Variants in PRKG1 observed in about 807,000 individuals in gnomAD.
PRKG1 encodes protein kinase cGMP-dependent 1.
In PRKG1, 35 loss-of-function variants were observed where a neutral mutation model predicts 88.1. That is an observed-to-expected ratio of 0.40 (90% CI 0.30 to 0.53). The LOEUF is 0.53. PRKG1 is among the 20% of genes least tolerant of loss of function. The probability of loss-of-function intolerance (pLI) is 0.59; values close to 1 mark genes in which losing one functional copy is unlikely to be tolerated. For missense variants in PRKG1, 540 were observed against 839.8 expected (o/e 0.64, Z 4.41); for synonymous variants, 303 against 292.5 (o/e 1.04, Z -0.37).
chr10:52,084,376 G>A (rs1846858770), intron 7 of PRKG1, among the ~76,000 whole-genome samples: 1 of 151,844 alleles, frequency 6.6e-6, no homozygotes, highest in Non-Finnish European at 1.5e-5. Flanking sequence ...ATTCTACTAA[G>A]ACTCAAATTT....
chr10:51,383,547 C>T (rs185389019), intron 2 of PRKG1, among the ~76,000 whole-genome samples: 97 of 152,238 alleles, frequency 6.4e-4, no homozygotes, highest in African/African-American at 2.3e-3. Flanking sequence ...GTACCTTGCC[C>T]AAGTACATGT....
intron 3 of PRKG1, among the ~76,000 whole-genome samples, chr10:51,510,496 T>A (rs1841362531): frequency 6.6e-6 from 1 of 152,170 alleles, no homozygotes; most frequent in Admixed American, 6.5e-5. Flanking sequence ...AAAAGTATTA[T>A]AGGTTCTTAA....
At chr10:52,089,346 C>G (rs1256151453) in intron 7 of PRKG1, among the ~76,000 whole-genome samples, 1 of 152,174 alleles carries the variant, frequency 6.6e-6, no homozygotes, top group Non-Finnish European at 1.5e-5. Flanking sequence ...CTAATCCTGT[C>G]TTCTTGAATT....
At chr10:51,708,432 A>T (rs1196808349) in intron 3 of PRKG1, among the ~76,000 whole-genome samples, 1 of 152,180 alleles carries the variant, frequency 6.6e-6, no homozygotes, top group Non-Finnish European at 1.5e-5. Context: ...GTAATGCAGT[A>T]ACCTCTAGGA....
intron 7 of PRKG1, among the ~76,000 whole-genome samples, chr10:52,093,497 G>A (rs1224297373): frequency 6.7e-6 from 1 of 148,740 alleles, no homozygotes; most frequent in Non-Finnish European, 1.5e-5. Context: ...CACCATGAAA[G>A]CAAGCCTCAA....
intron 5 of PRKG1, among the ~76,000 whole-genome samples, chr10:51,996,307 T>C (rs146000344): frequency 7.2e-4 from 60 of 83,364 alleles, no homozygotes; most frequent in Middle Eastern, 0.013. Context: ...AGAGTGAGAC[T>C]CCATCTCAAA....
At chr10:52,009,560 G>C (rs1844829194) in intron 5 of PRKG1, among the ~76,000 whole-genome samples, 1 of 152,140 alleles carries the variant, frequency 6.6e-6, no homozygotes, top group Non-Finnish European at 1.5e-5. Context: ...CATGCCTAGG[G>C]ATAGGAAGAA....
At chr10:51,159,044 C>T (rs75582950) in intron 2 of PRKG1, among the ~76,000 whole-genome samples, 2,716 of 152,138 alleles carry the variant, frequency 0.018, 45 homozygotes, top group Middle Eastern at 0.054. Flanking sequence ...TGATGTTCAA[C>T]ACTATTTGTT....
chr10:51,758,113 G>A (rs1249015447), intron 3 of PRKG1, among the ~76,000 whole-genome samples: 1 of 152,168 alleles, frequency 6.6e-6, no homozygotes, highest in Non-Finnish European at 1.5e-5. Flanking sequence ...CAAAAGCCTA[G>A]GATGTAGGAA....
intron 2 of PRKG1, among the ~76,000 whole-genome samples, chr10:51,248,560 G>A (rs1355007668): frequency 1.3e-5 from 2 of 151,718 alleles, no homozygotes; most frequent in Non-Finnish European, 2.9e-5. Flanking sequence ...GTATCTTATG[G>A]TTAAAATTAA....
At chr10:51,892,384 T>C (rs1439036217) in intron 4 of PRKG1, among the ~76,000 whole-genome samples, 1 of 152,204 alleles carries the variant, frequency 6.6e-6, no homozygotes, top group East Asian at 1.9e-4. Context: ...TTGAATATTG[T>C]GGTTTTCAAG....
At chr10:51,003,819 T>C (rs1396092221) in intron 1 of PRKG1, among the ~76,000 whole-genome samples, 3 of 152,168 alleles carry the variant, frequency 2.0e-5, no homozygotes, top group African/African-American at 7.2e-5. Flanking sequence ...ATAAAATAAT[T>C]CCATAACACT....
chr10:51,616,339 C>A (rs1484823670), intron 3 of PRKG1, among the ~76,000 whole-genome samples: 5 of 152,154 alleles, frequency 3.3e-5, no homozygotes, highest in Non-Finnish European at 7.4e-5. Context: ...GGATGGGAAG[C>A]TGGTCAGGGT....
At chr10:51,768,580 A>G (rs1838227399) in intron 3 of PRKG1, among the ~76,000 whole-genome samples, 1 of 152,192 alleles carries the variant, frequency 6.6e-6, no homozygotes, top group African/African-American at 2.4e-5. Context: ...TCTTTTAATC[A>G]GTAAGTGCTA....
At chr10:52,002,103 A>G (rs1476920747) in intron 5 of PRKG1, among the ~76,000 whole-genome samples, 1 of 152,118 alleles carries the variant, frequency 6.6e-6, no homozygotes, top group East Asian at 1.9e-4. Context: ...TTCTTTCTAC[A>G]TTTGTGATCA....
At chr10:51,601,283 A>G (rs1463636988) in intron 3 of PRKG1, among the ~76,000 whole-genome samples, 1 of 152,192 alleles carries the variant, frequency 6.6e-6, no homozygotes, top group African/African-American at 2.4e-5. Flanking sequence ...GATTGAGTCC[A>G]AGACTAAGTA....
rs568082352 is a variant in PRKG1 at position 51,424,864 on chromosome 10, C to T, written c.479-42859C>T. 1.2e-4 allele frequency among the ~76,000 whole-genome samples: 18 copies of T among 152,134 alleles called. No homozygotes were observed. The South Asian group carries it at 3.3e-3, about 28-fold the overall frequency. ...TTAATACCCCAGAAAGATTATTTTC[C>T]CTGCTATTTTGTTCTCTAACAGTTC... On this transcript the variant is annotated intron_variant, in intron 2 of 17. Transcript: ENST00000373980.
At chr10:51,273,419 G>GGCT (rs1432304462) in intron 2 of PRKG1, among the ~76,000 whole-genome samples, 1 of 152,004 alleles carries the variant, frequency 6.6e-6, no homozygotes, top group South Asian at 2.1e-4. Flanking sequence ...CTACCTGAGA[G>GGCT]GCTGAGAGGT....
At chr10:51,332,449 T>C (rs868803795) in intron 2 of PRKG1, among the ~76,000 whole-genome samples, 6 of 152,218 alleles carry the variant, frequency 3.9e-5, no homozygotes, top group Non-Finnish European at 8.8e-5. Context: ...GATCAGCTTT[T>C]TATAACTTTT....
Sources: gnomAD v4.1 joint callset for allele counts (sites outside exome capture counted in the v4.1 genomes callset) on GRCh38, gnomAD v4.1.1 for gene constraint, MANE v1.5 for transcripts, NCBI Gene and HGNC (gene_info 2026-07-23, HGNC 2026-07-21) for gene names.